Variants in FIRRM observed in about 807,000 individuals in gnomAD.
FIRRM encodes the protein FIGNL1-interacting regulator of recombination and mitosis.
At chr1:169,853,869 T>A in the FIRRM span, 1 of 1,377,934 alleles carries the variant, frequency 7.3e-7, no homozygotes, top group Non-Finnish European at 1.0e-6. Flanking sequence ...AATTTATCTT[T>A]TGATGCCAGA....
At chr1:169,809,360 G>A in the FIRRM span, among the ~76,000 whole-genome samples, 1 of 152,116 alleles carries the variant, frequency 6.6e-6, no homozygotes, top group East Asian at 1.9e-4. Context: ...TATATCAATG[G>A]CAGGAAGGTT....
At chr1:169,796,549 CTA>C in the FIRRM span, among the ~76,000 whole-genome samples, 1 of 152,248 alleles carries the variant, frequency 6.6e-6, no homozygotes, top group Non-Finnish European at 1.5e-5. Context: ...TGATTCCAAA[CTA>C]TGTCTTGAAT....
chr1:169,850,117 A>C, the FIRRM span: 1 of 603,310 alleles, frequency 1.7e-6, no homozygotes, highest in Non-Finnish European at 2.9e-6. Context: ...GGGACCCTGA[A>C]GGAATCATGA....
At chr1:169,846,983 G>A in the FIRRM span, among the ~76,000 whole-genome samples, 1 of 152,212 alleles carries the variant, frequency 6.6e-6, no homozygotes, top group African/African-American at 2.4e-5. Context: ...ACACTTAAGA[G>A]GCCATTTTAG....
the FIRRM span, among the ~76,000 whole-genome samples, chr1:169,790,637 G>A: frequency 1.3e-5 from 2 of 152,124 alleles, no homozygotes. Context: ...TCCTGAATGG[G>A]CCTCCTGGAT....
At chr1:169,824,191 GT>G in the FIRRM span, among the ~76,000 whole-genome samples, 1 of 152,180 alleles carries the variant, frequency 6.6e-6, no homozygotes, top group Admixed American at 6.5e-5. Context: ...GCTGCTGTAT[GT>G]TTCCTCTAAC....
chr1:169,840,178 T>C, the FIRRM span, among the ~76,000 whole-genome samples: 1 of 152,224 alleles, frequency 6.6e-6, no homozygotes, highest in Non-Finnish European at 1.5e-5. Flanking sequence ...CCTTCTTCAT[T>C]TTGCTTAGGA....
the FIRRM span, among the ~76,000 whole-genome samples, chr1:169,823,205 A>G: frequency 6.6e-6 from 1 of 151,952 alleles, no homozygotes; most frequent in Non-Finnish European, 1.5e-5. Flanking sequence ...AGCCGAGATC[A>G]CAACATTGTA....
the FIRRM span, among the ~76,000 whole-genome samples, chr1:169,821,355 C>T: frequency 6.6e-6 from 1 of 151,860 alleles, no homozygotes; most frequent in Non-Finnish European, 1.5e-5. Context: ...TAAATTGATC[C>T]CCATGTAACA....
At chr1:169,803,355 G>C in the FIRRM span, 1 of 1,539,018 alleles carries the variant, frequency 6.5e-7, no homozygotes, top group Non-Finnish European at 8.9e-7. Context: ...TAATCAATGT[G>C]CATAGGGGCT....
At chr1:169,793,703 T>C in the FIRRM span, 3 of 1,562,086 alleles carry the variant, frequency 1.9e-6, no homozygotes, top group African/African-American at 1.4e-5. Flanking sequence ...CATCCTCTTA[T>C]TAAATGCACA....
chr1:169,847,910 AGTTG>A, the FIRRM span: 2 of 658,028 alleles, frequency 3.0e-6, no homozygotes, highest in African/African-American at 3.7e-5. Context: ...TTACTGACAA[AGTTG>A]GAAAAAAAAA....
chr1:169,842,839 G>A, the FIRRM span, among the ~76,000 whole-genome samples: 1 of 152,236 alleles, frequency 6.6e-6, no homozygotes, highest in African/African-American at 2.4e-5. Flanking sequence ...TTCTGTCTTA[G>A]GTTAATGTAT....
the FIRRM span, among the ~76,000 whole-genome samples, chr1:169,801,265 G>A: frequency 2.8e-4 from 43 of 151,812 alleles, no homozygotes; most frequent in African/African-American, 9.9e-4. Context: ...TCAACATGAT[G>A]AAACCTCGTC....
the FIRRM span, among the ~76,000 whole-genome samples, chr1:169,816,201 G>T: frequency 1.1e-5 from 1 of 88,826 alleles, no homozygotes; most frequent in Admixed American, 1.3e-4. Context: ...GGCTTTCCAT[G>T]AACTGGGCAA....
At chr1:169,847,640 A>G in the FIRRM span, 1 of 1,327,214 alleles carries the variant, frequency 7.5e-7, no homozygotes, top group South Asian at 1.2e-5. Flanking sequence ...TTGTGTCTGT[A>G]CAAAATACTG....
the FIRRM span, chr1:169,853,034 A>ATACT: frequency 8.3e-5 from 131 of 1,575,110 alleles, 1 homozygote; most frequent in African/African-American, 9.7e-4. Context: ...TCAACTGAAA[A>ATACT]TACTTATGTC....
At chr1:169,853,074 T>G in the FIRRM span, 1 of 1,275,010 alleles carries the variant, frequency 7.8e-7, no homozygotes, top group Non-Finnish European at 1.1e-6. Context: ...ATAAAACAAA[T>G]TTTGTAAAGT....
At chr1:169,795,050 T>TCCGGTCTGGGCTTTGG in the FIRRM span, 10 of 1,426,222 alleles carry the variant, frequency 7.0e-6, no homozygotes, top group Non-Finnish European at 2.9e-6. Context: ...ACTGCGAGTT[T>TCCGGTCTGGGCTTTGG]CCGGTCTGGG....
Sources: gnomAD v4.1 joint callset for allele counts (sites outside exome capture counted in the v4.1 genomes callset) on GRCh38, gnomAD v4.1.1 for gene constraint, MANE v1.5 for transcripts, NCBI Gene and HGNC (gene_info 2026-07-23, HGNC 2026-07-21) for gene names.